Variants in SLC24A3 observed in about 807,000 individuals in gnomAD.
SLC24A3 encodes solute carrier family 24 member 3.
A neutral mutation model predicts 75.8 loss-of-function variants in SLC24A3; 28 were observed. That is an observed-to-expected ratio of 0.37 (90% CI 0.27 to 0.51). SLC24A3 has a LOEUF of 0.51. Ranked by LOEUF, SLC24A3 falls within the 20% of genes least tolerant of loss-of-function variation. SLC24A3 has a pLI of 0.94. For missense variants in SLC24A3, 663 were observed against 847.8 expected (o/e 0.78, Z 2.71); for synonymous variants, 372 against 334.1 (o/e 1.11, Z -1.24).
At chr20:19,354,590 G>A (rs1985640569) in intron 2 of SLC24A3, among the ~76,000 whole-genome samples, 1 of 120,620 alleles carries the variant, frequency 8.3e-6, no homozygotes, top group South Asian at 2.5e-4. Flanking sequence ...ATTTGTGTAT[G>A]TGTGTGTGTG....
chr20:19,453,465 G>A (rs1987527075), intron 2 of SLC24A3, among the ~76,000 whole-genome samples: 1 of 152,168 alleles, frequency 6.6e-6, no homozygotes, highest in Non-Finnish European at 1.5e-5. Flanking sequence ...GAATGTATTG[G>A]TGGAGACAAG....
chr20:19,556,768 C>T (rs1174674895), intron 3 of SLC24A3, among the ~76,000 whole-genome samples: 1 of 152,164 alleles, frequency 6.6e-6, no homozygotes, highest in Admixed American at 6.5e-5. Flanking sequence ...GACTGTGCCA[C>T]ATCCTTACTG....
At chr20:19,224,020 T>G (rs951413297) in intron 1 of SLC24A3, among the ~76,000 whole-genome samples, 3 of 152,134 alleles carry the variant, frequency 2.0e-5, no homozygotes, top group African/African-American at 7.2e-5. Flanking sequence ...GTTTTTCCAT[T>G]TAATATTTTT....
intron 3 of SLC24A3, among the ~76,000 whole-genome samples, chr20:19,516,170 G>T (rs2029983581): frequency 6.6e-6 from 1 of 152,164 alleles, no homozygotes; most frequent in South Asian, 2.1e-4. Context: ...GTTCCCATCT[G>T]GCCTCTTACT....
chr20:19,414,725 A>T (rs1986799036), intron 2 of SLC24A3, among the ~76,000 whole-genome samples: 2 of 152,302 alleles, frequency 1.3e-5, no homozygotes, highest in South Asian at 4.1e-4. Context: ...TTAAAATAGA[A>T]GAGAGAATAG....
At chr20:19,686,098 T>G (rs1217177981) in intron 12 of SLC24A3, among the ~76,000 whole-genome samples, 1 of 152,242 alleles carries the variant, frequency 6.6e-6, no homozygotes, top group Non-Finnish European at 1.5e-5. Context: ...TGGGCTGGTT[T>G]CAGGGGACGG....
At chr20:19,642,961 C>T (rs2032093516) in intron 6 of SLC24A3, among the ~76,000 whole-genome samples, 1 of 152,128 alleles carries the variant, frequency 6.6e-6, no homozygotes, top group Non-Finnish European at 1.5e-5. Context: ...AAAGAAATGT[C>T]CTTGTGTTCG....
intron 2 of SLC24A3, among the ~76,000 whole-genome samples, chr20:19,494,029 C>T (rs571378054): frequency 6.6e-6 from 1 of 152,348 alleles, no homozygotes; most frequent in African/African-American, 2.4e-5. Flanking sequence ...GGGCGGCTCC[C>T]CAGGGCCTGG....
intron 6 of SLC24A3, among the ~76,000 whole-genome samples, chr20:19,594,541 T>C (rs1293225482): frequency 2.0e-5 from 3 of 152,252 alleles, no homozygotes; most frequent in African/African-American, 7.2e-5. Context: ...CATTCACTGA[T>C]TTAACAAATG....
At chr20:19,453,234 C>T (rs1053730931) in intron 2 of SLC24A3, among the ~76,000 whole-genome samples, 7 of 152,074 alleles carry the variant, frequency 4.6e-5, no homozygotes, top group Admixed American at 3.3e-4. Context: ...GCCTGTACTC[C>T]AGCTACTCAG....
At chr20:19,686,013 A>C (rs920184043) in intron 12 of SLC24A3, among the ~76,000 whole-genome samples, 2 of 152,196 alleles carry the variant, frequency 1.3e-5, no homozygotes, top group Admixed American at 6.5e-5. Flanking sequence ...AAGTTTCGCA[A>C]GTTTTAAAGC....
intron 2 of SLC24A3, among the ~76,000 whole-genome samples, chr20:19,428,995 T>C (rs1465177704): frequency 6.6e-6 from 1 of 152,208 alleles, no homozygotes; most frequent in Non-Finnish European, 1.5e-5. Flanking sequence ...CATCTTTAGG[T>C]TCTTCCCTCC....
intron 1 of SLC24A3, among the ~76,000 whole-genome samples, chr20:19,233,854 T>C (rs1982094052): frequency 6.6e-6 from 1 of 152,236 alleles, no homozygotes; most frequent in Non-Finnish European, 1.5e-5. Context: ...CTGCATGTTC[T>C]CTTCTGTTCT....
chr20:19,263,309 G>T (rs1025547325), intron 1 of SLC24A3, among the ~76,000 whole-genome samples: 1 of 152,132 alleles, frequency 6.6e-6, no homozygotes, highest in African/African-American at 2.4e-5. Context: ...TGAAGAATGA[G>T]ACAGAAGCCC....
At chr20:19,360,912 T>C (rs1328441051) in intron 2 of SLC24A3, among the ~76,000 whole-genome samples, 1 of 152,096 alleles carries the variant, frequency 6.6e-6, no homozygotes, top group Non-Finnish European at 1.5e-5. Context: ...CTGCAAGCTC[T>C]GCCTCCAGGG....
chr20:19,240,445 G>A (rs1982298467), intron 1 of SLC24A3, among the ~76,000 whole-genome samples: 1 of 152,208 alleles, frequency 6.6e-6, no homozygotes, highest in African/African-American at 2.4e-5. Flanking sequence ...TAAGTGACAG[G>A]GAACTCCAGG....
At chr20:19,408,333 C>T (rs1429834405) in intron 2 of SLC24A3, among the ~76,000 whole-genome samples, 1 of 151,884 alleles carries the variant, frequency 6.6e-6, no homozygotes, top group Non-Finnish European at 1.5e-5. Context: ...AAGAGATTAA[C>T]CCGTATAATA....
At chr20:19,672,922 A>G (rs2032485014) in intron 8 of SLC24A3, among the ~76,000 whole-genome samples, 1 of 152,182 alleles carries the variant, frequency 6.6e-6, no homozygotes, top group African/African-American at 2.4e-5. Flanking sequence ...TACTCCCTCA[A>G]TGAGCTGATT....
chr20:19,415,995 T>C (rs549700242), intron 2 of SLC24A3, among the ~76,000 whole-genome samples: 1 of 152,332 alleles, frequency 6.6e-6, no homozygotes, highest in Admixed American at 6.5e-5. Context: ...TTGAATTATA[T>C]CTCTCCTGCT....
Sources: gnomAD v4.1 joint callset for allele counts (sites outside exome capture counted in the v4.1 genomes callset) on GRCh38, gnomAD v4.1.1 for gene constraint, MANE v1.5 for transcripts, NCBI Gene and HGNC (gene_info 2026-07-23, HGNC 2026-07-21) for gene names.